Variants in ZNF66 observed in about 807,000 individuals in gnomAD.
ZNF66 encodes putative zinc finger protein 66.
ZNF66 carries 32 observed loss-of-function variants against 35.2 expected under a neutral mutation model. The observed-to-expected ratio is 0.91, with a 90% confidence interval of 0.69 to 1.22. The LOEUF (loss-of-function observed/expected upper bound fraction) is 1.22, where lower values mean the gene tolerates loss of function less well. ZNF66 is among the 50% of genes most tolerant of loss of function. ZNF66 has a pLI of 0.00. For synonymous variants in ZNF66, 231 were observed against 181.3 expected (o/e 1.27, Z -2.20); for missense variants, 666 against 543.1 (o/e 1.23, Z -2.25).
rs1222002291 is a variant in ZNF66 at position 20,809,114 on chromosome 19, T to G, written c.*1792T>G. 6.6e-6 allele frequency among the ~76,000 whole-genome samples: 1 copy of G among 151,558 alleles called. No homozygotes were observed. Among genetic ancestry groups the G allele is most frequent in the Non-Finnish European group, 1.5e-5 (1 of 67,870 alleles). On this transcript the variant is annotated 3_prime_UTR_variant, in exon 4 of 4. Coordinates refer to ENST00000344519, the MANE Select transcript of ZNF66 (RefSeq NM_001355197.2). ...GGAAGATGAAATGAATGAAATGAAG[T>G]GAGAAGGGAAGTTTAGAGAAAAAAA... is the stretch of plus-strand genomic sequence containing the variant.
rs185977866 is a variant in ZNF66 at position 20,806,605 on chromosome 19, T to A, written c.1005T>A (p.His335Gln). 24 of 1,592,738 alleles carry A rather than the reference T, an allele frequency of 1.5e-5. No homozygotes were observed. The East Asian group carries it at 4.9e-4, about 33-fold the overall frequency. ...SSHLTTHKRIHTGEKPYKCEE... is the reference protein window; with the variant it reads ...SSHLTTHKRIQTGEKPYKCEE... ...ACCTTACTACACATAAGAGAATTCA[T>A]ACTGGAGAGAAACCCTACAAATGTG... The change falls in exon 4 of 4, where the codon CAT becomes CAA. Residue 335 changes from histidine (H) to glutamine (Q), a missense_variant. Coordinates refer to ENST00000344519, the MANE Select transcript of ZNF66 (RefSeq NM_001355197.2).
At chr19:20,788,014 C>CA (rs1971303596) in intron 1 of ZNF66, among the ~76,000 whole-genome samples, 1 of 152,144 alleles carries the variant, frequency 6.6e-6, no homozygotes, top group South Asian at 2.1e-4. Context: ...GTTAGACTGA[C>CA]AAGAGTGGTT....
intron 1 of ZNF66, among the ~76,000 whole-genome samples, chr19:20,778,538 C>A (rs561570389): frequency 6.6e-6 from 1 of 152,238 alleles, no homozygotes; most frequent in South Asian, 2.1e-4. Flanking sequence ...AGTTTCAGCA[C>A]TTTGGGAGGC....
At chr19:20,805,585 G>A (rs1971494052) in intron 3 of ZNF66, among the ~76,000 whole-genome samples, 1 of 151,802 alleles carries the variant, frequency 6.6e-6, no homozygotes, top group South Asian at 2.1e-4. Context: ...CTTCTATGTG[G>A]CTCTTTGCAT....
chr19:20,790,273 G>A (rs1971324294), intron 1 of ZNF66, among the ~76,000 whole-genome samples: 1 of 151,982 alleles, frequency 6.6e-6, no homozygotes, highest in Admixed American at 6.6e-5. Flanking sequence ...TCTGTTTATT[G>A]TTCTGGGTGG....
At chr19:20,791,831 CT>C (rs145085886) in intron 1 of ZNF66, among the ~76,000 whole-genome samples, 2 of 151,998 alleles carry the variant, frequency 1.3e-5, no homozygotes, top group Admixed American at 6.6e-5. Flanking sequence ...CTCTGACAGA[CT>C]TTTTTTTACT....
At position 20,807,985 on chromosome 19, in the gene ZNF66, C is replaced by T. The variant is rs895705276; in HGVS notation, c.*663C>T. On this transcript the variant is annotated 3_prime_UTR_variant, in exon 4 of 4. Coordinates refer to ENST00000344519, the MANE Select transcript of ZNF66 (RefSeq NM_001355197.2). ...CAAAGAAAGGGGTGACAGATGGCAC[C>T]TGGAAAATTGGGTTACTCCCACCCT... Among the ~76,000 whole-genome samples the T allele has an allele frequency of 6.6e-6, 1 of 152,112 alleles. No individual in the cohort carries two copies. The highest frequency in any genetic ancestry group is 2.4e-5 in the African/African-American group (1 of 41,428).
At chr19:20,784,775 T>C (rs1209369629) in intron 1 of ZNF66, 2 of 152,210 alleles carry the variant, frequency 1.3e-5, no homozygotes, top group Non-Finnish European at 2.9e-5. Context: ...ACTTTGAGTG[T>C]TTCGAGAGAA....
rs1971555776 is a variant in ZNF66, at chr19:20,808,852, CTT to C, written c.*1532_*1533del. Among the ~76,000 whole-genome samples, 1 of 152,128 alleles carries C rather than the reference CTT, an allele frequency of 6.6e-6. No homozygotes were observed. The highest frequency in any genetic ancestry group is 2.4e-5 in the African/African-American group (1 of 41,432). On this transcript the variant is annotated 3_prime_UTR_variant, in exon 4 of 4. Transcript: ENST00000344519. ...CAGAACAAAGCTGGATGGAGAATGA[CTT>C]TGATGAGTTGAGAGAAGAAGGCTTC...
intron 3 of ZNF66, among the ~76,000 whole-genome samples, chr19:20,798,745 C>CT (rs1310466839): frequency 6.6e-6 from 1 of 152,144 alleles, no homozygotes; most frequent in African/African-American, 2.4e-5. Flanking sequence ...ATTTTGACTA[C>CT]TTAAGATATC....
At position 20,809,848 on chromosome 19, in the gene ZNF66, A is replaced by T. The variant is rs138716526; in HGVS notation, c.*2526A>T. Among the ~76,000 whole-genome samples the T allele has an allele frequency of 2.6e-3, 400 of 152,298 alleles. 4 individuals carry two copies. Among genetic ancestry groups the T allele is most frequent in the African/African-American group, 8.9e-3 (369 of 41,568 alleles). On this transcript the variant is annotated 3_prime_UTR_variant, in exon 4 of 4. Coordinates refer to ENST00000344519, the MANE Select transcript of ZNF66 (RefSeq NM_001355197.2). ...CATAACAATATTAGCTTTAAATGTA[A>T]ATGGGCTAAATGCTCCAATTAAAAG... is the stretch of plus-strand genomic sequence containing the variant.
intron 3 of ZNF66, among the ~76,000 whole-genome samples, chr19:20,803,387 G>A (rs1971469582): frequency 1.3e-5 from 2 of 150,720 alleles, no homozygotes; most frequent in South Asian, 4.2e-4. Flanking sequence ...CATTTTCTAA[G>A]TGGTACCTTC....
chr19:20,806,549 G>T lies in ZNF66; in HGVS notation c.949G>T (p.Glu317Ter). 6.4e-7 allele frequency: 1 copy of T among 1,551,432 alleles called. No homozygotes were observed. Among genetic ancestry groups the T allele is most frequent in the South Asian group, 1.1e-5 (1 of 89,804 alleles). The change falls in exon 4 of 4, where the codon GAA becomes TAA. Residue 317 changes from glutamate (E) to a stop codon, truncating the protein, a stop_gained. Transcript: ENST00000344519. LOFTEE classifies it high-confidence loss of function. ...TGGAGAGAAACCCTACAAATGTGAA[G>T]AATGTGGTAAAGCCTTCAACTGGTC... ...HTGEKPYKCEECGKAFNWSSH... is the reference protein window; with the variant it reads ...HTGEKPYKCE
At position 20,806,827 on chromosome 19, in the gene ZNF66, C is replaced by T; in HGVS notation, c.1227C>T (p.Ser409=). ...CEECGKVFKH[S]SPLSKHKRIH... ...AATGTGGCAAAGTGTTTAAGCACTC[C>T]TCTCCCCTTTCTAAACATAAGAGAA... The change falls in exon 4 of 4, where the codon TCC becomes TCT. Residue 409 remains serine, a synonymous_variant. Coordinates refer to ENST00000344519, the MANE Select transcript of ZNF66 (RefSeq NM_001355197.2). 1 of 1,302,422 alleles carries T rather than the reference C, an allele frequency of 7.7e-7. No individual in the cohort carries two copies. The highest frequency in any genetic ancestry group is 1.1e-6 in the Non-Finnish European group (1 of 899,488). The allele number at this position is 1,302,422 out of a possible 1,614,324, so 80.7% of individuals were successfully genotyped here. A position where few individuals can be genotyped will look rare whatever the true frequency, so the allele number is the denominator to read the frequency against.
intron 3 of ZNF66, among the ~76,000 whole-genome samples, chr19:20,801,594 C>A (rs1199765389): frequency 1.3e-5 from 2 of 152,136 alleles, no homozygotes; most frequent in East Asian, 3.9e-4. Context: ...ACCTGCCCAC[C>A]TTGGCCTCCC....
At chr19:20,785,785 A>G (rs1376708767) in intron 1 of ZNF66, among the ~76,000 whole-genome samples, 1 of 150,636 alleles carries the variant, frequency 6.6e-6, no homozygotes, top group Non-Finnish European at 1.5e-5. Context: ...TTTTTGAGAT[A>G]GAGGTCTCAC....
Position 20,793,848 on chromosome 19 carries a change from C to CTATGA in ZNF66, c.196_197insTATGA (p.Gln66LeufsTer2). On this transcript the variant is annotated stop_gained and frameshift_variant, in exon 3 of 4. Coordinates refer to ENST00000344519, the MANE Select transcript of ZNF66 (RefSeq NM_001355197.2). LOFTEE classifies it high-confidence loss of function. ...GCAAGGAAAAAAACCTTCGACTATG[C>CTATGA]AGAGACATGAGATGGTAGCCAACCC... 2 of 1,180,186 alleles carry CTATGA rather than the reference C, an allele frequency of 1.7e-6. No homozygotes were observed. The highest frequency in any genetic ancestry group is 2.4e-6 in the Non-Finnish European group (2 of 837,402). The allele number at this position is 1,180,186 out of a possible 1,614,324, so 73.1% of individuals were successfully genotyped here.
chr19:20,790,810 C>T (rs1470575394), intron 1 of ZNF66, among the ~76,000 whole-genome samples: 1 of 152,098 alleles, frequency 6.6e-6, no homozygotes, highest in Non-Finnish European at 1.5e-5. Flanking sequence ...GTCCACTCTG[C>T]CTCCTGGAAT....
At chr19:20,782,740 A>G (rs1281040793) in intron 1 of ZNF66, among the ~76,000 whole-genome samples, 1 of 152,156 alleles carries the variant, frequency 6.6e-6, no homozygotes, top group Non-Finnish European at 1.5e-5. Context: ...TTAAACTTGT[A>G]TAAGTTTTTA....
Sources: gnomAD v4.1 joint callset for allele counts (sites outside exome capture counted in the v4.1 genomes callset) on GRCh38, gnomAD v4.1.1 for gene constraint, MANE v1.5 for transcripts, NCBI Gene and HGNC (gene_info 2026-07-23, HGNC 2026-07-21) for gene names.